The following BRCA1 variants were observed in gnomAD, a reference collection of about 807,000 sequenced individuals.
The protein encoded by BRCA1 is BRCA1 DNA repair associated.
Under a neutral mutation model 173.7 loss-of-function variants are expected in BRCA1, and 140 were observed. That is an observed-to-expected ratio of 0.81 (90% confidence interval 0.70 to 0.93). The LOEUF (loss-of-function observed/expected upper bound fraction) is 0.93, where lower values mean the gene tolerates loss of function less well. Among genes scored for constraint, BRCA1 ranks in the 40% least tolerant of loss-of-function variants. The pLI is 0.00. For missense variants in BRCA1, 1,983 were observed against 2,172.5 expected (o/e 0.91, Z 1.73); for synonymous variants, 662 against 756.0 (o/e 0.88, Z 2.04).
chr17:43,100,631 G>C (rs1297331136), intron 6 of BRCA1, among the ~76,000 whole-genome samples: 1 of 37,054 alleles, frequency 2.7e-5, no homozygotes, highest in Non-Finnish European at 4.1e-5. Context: ...ATATATATAT[G>C]TTATATATAT....
chr17:43,100,613 T>TAC (rs2054372427), intron 6 of BRCA1, among the ~76,000 whole-genome samples: 1 of 82,602 alleles, frequency 1.2e-5, no homozygotes, highest in Non-Finnish European at 2.1e-5. Flanking sequence ...ATATAACATA[T>TAC]ATATAACATA....
chr17:43,065,077 G>A (rs561269443), intron 16 of BRCA1, among the ~76,000 whole-genome samples: 1 of 152,000 alleles, frequency 6.6e-6, no homozygotes, highest in African/African-American at 2.4e-5. Flanking sequence ...TGATCTGCCC[G>A]CCTTGGCCCC....
chr17:43,057,817 C>T (rs1180011260), intron 18 of BRCA1, among the ~76,000 whole-genome samples: 1 of 151,494 alleles, frequency 6.6e-6, no homozygotes, highest in African/African-American at 2.4e-5. Context: ...GCCTGGGCAA[C>T]TGAGCGAGAC....
chr17:43,082,805 T>C (rs2154167859), intron 11 of BRCA1: 1 of 570,852 alleles, frequency 1.8e-6, no homozygotes, highest in Admixed American at 3.0e-5. Context: ...TTCCCCCAAA[T>C]AGACTTGATG....
At chr17:43,088,643 A>G (rs2053323359) in intron 11 of BRCA1, among the ~76,000 whole-genome samples, 1 of 152,252 alleles carries the variant, frequency 6.6e-6, no homozygotes, top group Admixed American at 6.5e-5. Flanking sequence ...CTGACTTCAG[A>G]AAGTTCATAA....
chr17:43,117,594 C>T (rs1779092116), intron 2 of BRCA1, among the ~76,000 whole-genome samples: 1 of 152,132 alleles, frequency 6.6e-6, no homozygotes, highest in African/African-American at 2.4e-5. Flanking sequence ...CCAAAACTAA[C>T]TGGGCATGGT....
intron 3 of BRCA1, among the ~76,000 whole-genome samples, chr17:43,107,166 G>C (rs535071846): frequency 6.8e-6 from 1 of 147,906 alleles, no homozygotes; most frequent in Admixed American, 6.9e-5. Flanking sequence ...CTGGGTTCAC[G>C]CCATTCTCCT....
chr17:43,125,111 T>TACC, intron 1 of BRCA1, 160 bp downstream of exon 1: 2 of 423,312 alleles, frequency 4.7e-6, no homozygotes. Flanking sequence ...ACCTACAAAC[T>TACC]GCCCCCCTCC....
chr17:43,092,910 T>C lies in BRCA1; in HGVS notation c.2621A>G (p.Asn874Ser). 1 of 1,613,902 alleles carries C rather than the reference T, an allele frequency of 6.2e-7. No individual in the cohort carries two copies. Among genetic ancestry groups the C allele is most frequent in the Non-Finnish European group, 8.5e-7 (1 of 1,179,998 alleles). ...SKRQSFAPFS[N>S]PGNAEEECAT... ...ACATTCCTCTTCTGCATTTCCTGGATTTGAAAACGGAGCAAATGACTGGCG... is the reference window on the plus strand; with the variant it reads ...ACATTCCTCTTCTGCATTTCCTGGACTTGAAAACGGAGCAAATGACTGGCG... The change falls in exon 10 of 23, where the codon AAT becomes AGT. Residue 874 changes from asparagine (N) to serine (S), a missense_variant. Coordinates refer to ENST00000357654, the MANE Select transcript of BRCA1 (RefSeq NM_007294.4).
intron 1 of BRCA1, among the ~76,000 whole-genome samples, chr17:43,169,531 A>C (rs1042717613): frequency 6.6e-6 from 1 of 151,894 alleles, no homozygotes; most frequent in Admixed American, 6.6e-5. Context: ...TATCAGGAGG[A>C]TTCCTCCTCG....
intron 1 of BRCA1, chr17:43,168,250 C>T: frequency 2.4e-6 from 1 of 418,932 alleles, no homozygotes; most frequent in Non-Finnish European, 4.8e-6. Flanking sequence ...ATAAATCTAT[C>T]TCTTTCTGTT....
At chr17:43,113,837 C>T (rs2055146109) in intron 3 of BRCA1, among the ~76,000 whole-genome samples, 1 of 152,084 alleles carries the variant, frequency 6.6e-6, no homozygotes, top group African/African-American at 2.4e-5. Flanking sequence ...AATCCCAACA[C>T]TTTTTAAGGC....
chr17:43,076,128 T>C (rs1356834180), intron 13 of BRCA1, among the ~76,000 whole-genome samples: 2 of 151,968 alleles, frequency 1.3e-5, no homozygotes, highest in African/African-American at 2.4e-5. Context: ...TTATTTTCTG[T>C]GGTAAATCAA....
intron 21 of BRCA1, among the ~76,000 whole-genome samples, chr17:43,047,982 C>T (rs925850485): frequency 6.6e-6 from 1 of 152,140 alleles, no homozygotes; most frequent in African/African-American, 2.4e-5. Context: ...CCATGTTGCC[C>T]AGGCTGGTCT....
chr17:43,162,916 G>C (rs183794461), intron 1 of BRCA1: 13 of 152,284 alleles, frequency 8.5e-5, no homozygotes, highest in African/African-American at 3.1e-4. Context: ...AGAATAAACT[G>C]AGTCCAACAC....
intron 20 of BRCA1, 60 bp downstream of exon 20, chr17:43,051,003 T>C: frequency 6.6e-7 from 1 of 1,518,872 alleles, no homozygotes; most frequent in Non-Finnish European, 9.1e-7. Flanking sequence ...TTGCTTATAA[T>C]ACTCCACTAT....
At position 43,094,035 on chromosome 17, in the gene BRCA1, G is replaced by T. The variant is rs876658285; in HGVS notation, c.1496C>A (p.Thr499Lys). 1 of 1,613,968 alleles carries T rather than the reference G, an allele frequency of 6.2e-7. No individual in the cohort carries two copies. The highest frequency in any genetic ancestry group is 8.5e-7 in the Non-Finnish European group (1 of 1,179,956). Residue 499 changes from threonine (T) to lysine (K), a missense_variant, in exon 10 of 23, where the codon ACA (threonine) becomes AAA (lysine). Coordinates refer to ENST00000357654, the MANE Select transcript of BRCA1 (RefSeq NM_007294.4). ...EPQIIQERPL[T>K]NKLKRKRRPT... ...TCTCCTTTTACGCTTTAATTTATTTGTGAGGGGACGCTCTTGTATTATCTG... is the reference window on the plus strand; with the variant it reads ...TCTCCTTTTACGCTTTAATTTATTTTTGAGGGGACGCTCTTGTATTATCTG...
At chr17:43,083,576 A>G (rs879581150) in intron 11 of BRCA1, among the ~76,000 whole-genome samples, 2 of 152,188 alleles carry the variant, frequency 1.3e-5, no homozygotes, top group Non-Finnish European at 2.9e-5. Flanking sequence ...AGTACTGAGG[A>G]TATAGCCCTC....
chr17:43,102,070 G>GT (rs150421137), intron 6 of BRCA1, among the ~76,000 whole-genome samples: 236 of 150,340 alleles, frequency 1.6e-3, no homozygotes, highest in Middle Eastern at 3.4e-3. Context: ...GCCCAGCTAA[G>GT]TTTTTTTGTT....
Sources: gnomAD v4.1 joint callset for allele counts (sites outside exome capture counted in the v4.1 genomes callset) on GRCh38, gnomAD v4.1.1 for gene constraint, MANE v1.5 for transcripts, NCBI Gene and HGNC (gene_info 2026-07-23, HGNC 2026-07-21) for gene names.